The following DENND4A variants were observed in gnomAD, a reference collection of about 807,000 sequenced individuals.
DENND4A encodes the protein C-myc promoter-binding protein.
DENND4A carries 70 observed loss-of-function variants against 199.3 expected under a neutral mutation model. The ratio of observed to expected loss-of-function variants is 0.35; its 90% CI spans 0.29 to 0.43. The LOEUF (loss-of-function observed/expected upper bound fraction) is 0.43. Among genes scored for constraint, DENND4A ranks in the 20% least tolerant of loss-of-function variants. DENND4A has a pLI of 1.00. For missense variants in DENND4A, 1,723 were observed against 2,255.8 expected (o/e 0.76, Z 4.78); for synonymous variants, 686 against 766.9 (o/e 0.89, Z 1.74).
At chr15:65,766,437 C>A (rs1318619696) in intron 1 of DENND4A, 1 of 152,212 alleles carries the variant, frequency 6.6e-6, no homozygotes, top group African/African-American at 2.4e-5. Flanking sequence ...TGCAGTTCCA[C>A]TTACACATGG....
intron 8 of DENND4A, 139 bp from the exon 9 acceptor site, chr15:65,731,839 ATCAC>A (rs1376847932): frequency 1.6e-5 from 9 of 574,996 alleles, no homozygotes; most frequent in African/African-American, 9.6e-5. Flanking sequence ...AACACTTTGT[ATCAC>A]TCACTAAGAT....
In DENND4A at chr15:65,704,607, T is replaced by C. The variant is rs927690433; in HGVS notation, c.2087+1484A>G. On this transcript the variant is annotated intron_variant, in intron 15 of 32. Coordinates refer to ENST00000443035, the MANE Select transcript of DENND4A (RefSeq NM_001320835.1). ...ACAGGCTGAAATAATGTGGTTTTTTTGGAGATAGAGTCTCGTTCTGTCACG... is the reference window on the plus strand; with the variant it reads ...ACAGGCTGAAATAATGTGGTTTTTTCGGAGATAGAGTCTCGTTCTGTCACG... Among the ~76,000 whole-genome samples, 4 of 152,308 alleles carry C rather than the reference T, an allele frequency of 2.6e-5. No individual in the cohort carries two copies. The South Asian group carries it at 8.3e-4, about 32-fold the overall frequency.
chr15:65,708,769 A>G (rs2075143808), intron 14 of DENND4A, among the ~76,000 whole-genome samples: 1 of 152,250 alleles, frequency 6.6e-6, no homozygotes, highest in Non-Finnish European at 1.5e-5. Flanking sequence ...AAAAAATCTT[A>G]CCAGACTATT....
chr15:65,698,726 CTTTTTT>C (rs71139423), intron 20 of DENND4A, among the ~76,000 whole-genome samples: 3 of 72,762 alleles, frequency 4.1e-5, no homozygotes, highest in East Asian at 5.0e-4. Flanking sequence ...TTAAGATAGC[CTTTTTT>C]TTTTTTTTTT....
chr15:65,664,537 A>C (rs773579883), intron 31 of DENND4A, 23 bp downstream of exon 31: 5 of 1,602,418 alleles, frequency 3.1e-6, no homozygotes, highest in Non-Finnish European at 3.4e-6. Flanking sequence ...AGAACAATAT[A>C]TTCGTCTAAG....
chr15:65,761,294 T>G (rs978280954), intron 2 of DENND4A, 66 bp downstream of exon 2: 3 of 152,214 alleles, frequency 2.0e-5, no homozygotes, highest in African/African-American at 7.2e-5. Context: ...AACTAAGGTT[T>G]CACTGTGTTT....
intron 1 of DENND4A, among the ~76,000 whole-genome samples, chr15:65,782,375 C>T (rs2077456723): frequency 1.3e-5 from 2 of 152,212 alleles, no homozygotes; most frequent in South Asian, 2.1e-4. Flanking sequence ...CCAAGAAGTA[C>T]TCTAAGGACC....
rs761953463 is a variant in DENND4A at position 65,696,450 on chromosome 15, G to C, written c.2998C>G (p.Leu1000Val). 6 of 1,612,620 alleles carry C rather than the reference G, an allele frequency of 3.7e-6. No homozygotes were observed. The highest frequency in any genetic ancestry group is 5.1e-6 in the Non-Finnish European group (6 of 1,179,070). Reference sequence around the variant, plus strand: ...ATACTGGAAGAATTTTGATAACTGAGCTTAGGAAGGCAATCAGCACTTCCT... The same window carrying C: ...ATACTGGAAGAATTTTGATAACTGACCTTAGGAAGGCAATCAGCACTTCCT... ...TKGSADCLPKLSYQNSSSIVR... is the reference protein window; with the variant it reads ...TKGSADCLPKVSYQNSSSIVR... The change falls in exon 22 of 33, where the codon CTC becomes GTC. Residue 1000 changes from leucine to valine, a missense_variant. Physicochemically the swap from Leu to Val is conservative, Grantham distance 32. Coordinates refer to ENST00000443035, the MANE Select transcript of DENND4A (RefSeq NM_001320835.1).
chr15:65,730,381 G>T (rs555501433), intron 9 of DENND4A, among the ~76,000 whole-genome samples: 1 of 151,990 alleles, frequency 6.6e-6, no homozygotes, highest in South Asian at 2.1e-4. Flanking sequence ...TTTAAATAAA[G>T]CAAAACTAAT....
chr15:65,748,993 TA>T (rs540682428), intron 4 of DENND4A, among the ~76,000 whole-genome samples: 138 of 112,754 alleles, frequency 1.2e-3, no homozygotes, highest in African/African-American at 1.1e-3. Flanking sequence ...ACCCTGTCTC[TA>T]AAAAAAAAAA....
intron 1 of DENND4A, among the ~76,000 whole-genome samples, chr15:65,782,086 T>C (rs1232994216): frequency 6.6e-6 from 1 of 152,244 alleles, no homozygotes; most frequent in East Asian, 1.9e-4. Flanking sequence ...CAGACAACTC[T>C]ATTTTCTCAT....
chr15:65,701,000 G>A, intron 19 of DENND4A, 51 bp downstream of exon 19: 1 of 1,533,702 alleles, frequency 6.5e-7, no homozygotes. Flanking sequence ...AATGTAAACT[G>A]TAGCTAATCA....
chr15:65,701,018 T>C, intron 19 of DENND4A, 33 bp downstream of exon 19: 1 of 1,566,592 alleles, frequency 6.4e-7, no homozygotes, highest in Non-Finnish European at 8.6e-7. Flanking sequence ...TCAATTAATT[T>C]TGAAGAACAA....
rs746895614 is a variant in DENND4A at position 65,690,379 on chromosome 15, G to A, written c.4179+36C>T. ...TTTTGGTGGTGATGGATATGTGTGT[G>A]TGACAGTAAAAGTAGCAAATACTAA... On this transcript the variant is annotated intron_variant, in intron 23 of 32. Transcript: ENST00000443035. 8 of 1,526,880 alleles carry A rather than the reference G, an allele frequency of 5.2e-6. No homozygotes were observed. In the South Asian group the frequency reaches 5.2e-5, roughly 10 times the overall value. 94.6% of individuals were successfully genotyped at this position (1,526,880 alleles called of 1,614,324 possible).
chr15:65,727,902 C>T, intron 11 of DENND4A: 1 of 315,962 alleles, frequency 3.2e-6, no homozygotes, highest in South Asian at 2.8e-5. Context: ...AAACATAAAA[C>T]CCTTGCATCC....
At chr15:65,665,191 A>T (rs1365840679) in intron 30 of DENND4A, 154 bp downstream of exon 30, 23 of 560,424 alleles carry the variant, frequency 4.1e-5, no homozygotes, top group South Asian at 1.3e-4. Context: ...AAAAAATCAA[A>T]CACTCACTCT....
intron 11 of DENND4A, chr15:65,725,951 A>G (rs2075793060): frequency 6.6e-6 from 1 of 152,214 alleles, no homozygotes; most frequent in Non-Finnish European, 1.5e-5. Context: ...GAAGGAAAGT[A>G]GAAAGCTGTC....
At chr15:65,768,837 AG>A (rs1245295741) in intron 1 of DENND4A, among the ~76,000 whole-genome samples, 1 of 151,914 alleles carries the variant, frequency 6.6e-6, no homozygotes, top group Non-Finnish European at 1.5e-5. Flanking sequence ...TACAAAAAAA[AG>A]AAAAAAATAG....
intron 14 of DENND4A, among the ~76,000 whole-genome samples, chr15:65,710,739 A>G (rs143774472): frequency 6.6e-6 from 1 of 152,282 alleles, no homozygotes; most frequent in East Asian, 1.9e-4. Flanking sequence ...GTAATCCCCA[A>G]TGTTGGAGGT....
Sources: allele counts gnomAD v4.1 joint callset (sites outside exome capture counted in the v4.1 genomes callset), GRCh38; gene constraint gnomAD v4.1.1; transcripts MANE v1.5; gene names NCBI Gene and HGNC (gene_info 2026-07-23, HGNC 2026-07-21).